The following PLAAT1 variants were observed in gnomAD, a reference collection of about 807,000 sequenced individuals.
PLAAT1 encodes phospholipase A and acyltransferase 1, also known as H-REV107 protein-related protein.
PLAAT1 carries 13 observed loss-of-function variants against 16.4 expected under a neutral mutation model. That is an observed-to-expected ratio of 0.79 (90% CI 0.52 to 1.26). The LOEUF (loss-of-function observed/expected upper bound fraction) is 1.26, where lower values mean the gene tolerates loss of function less well. Among genes scored for constraint, PLAAT1 ranks in the 50% most tolerant of loss-of-function variants. The pLI is 0.00. For missense variants in PLAAT1, 218 were observed against 207.8 expected, an observed-to-expected ratio of 1.05 and a Z score of -0.30; for synonymous variants, 73 against 78.4, an observed-to-expected ratio of 0.93 and a Z score of 0.36.
At chr3:193,279,222 C>T, downstream of PLAAT1, 1 of 609,468 alleles carries the variant, frequency 1.6e-6, no homozygotes, top group Non-Finnish European at 2.9e-6. Flanking sequence ...ATCCAGATAT[C>T]TTATTTGCCC....
upstream of PLAAT1, chr3:193,241,106 G>A (rs1715709936): frequency 7.4e-6 from 6 of 813,926 alleles, no homozygotes; most frequent in East Asian, 4.0e-5. Context: ...GGCGCGAGAA[G>A]GTGCAGTTCC....
intron 1 of PLAAT1, among the ~76,000 whole-genome samples, chr3:193,248,680 G>A (rs1309157004): frequency 1.3e-5 from 2 of 151,996 alleles, no homozygotes; most frequent in Non-Finnish European, 2.9e-5. Flanking sequence ...TTGATCACTT[G>A]TACAAACTCT....
Position 193,241,252 on chromosome 3 carries a change from C to T in PLAAT1, c.-282C>T. The T allele has an allele frequency of 8.1e-7, 1 of 1,227,022 alleles. No individual in the cohort carries two copies. Among genetic ancestry groups the T allele is most frequent in the Non-Finnish European group, 1.0e-6 (1 of 985,022 alleles). The allele number at this position is 1,227,022 out of a possible 1,614,324, so 76.0% of individuals were successfully genotyped here. ...AGCCTCGTGCCGGCTCGGCAGCGCC[C>T]GGACGCCGAGCCCAGCGCGTCGGCC... On this transcript the variant is annotated 5_prime_UTR_variant, in exon 1 of 4. Coordinates refer to ENST00000264735, the MANE Select transcript of PLAAT1 (RefSeq NM_020386.5).
At chr3:193,246,286 G>GT (rs1252557785) in intron 1 of PLAAT1, among the ~76,000 whole-genome samples, 2 of 152,012 alleles carry the variant, frequency 1.3e-5, no homozygotes, top group African/African-American at 4.8e-5. Context: ...TTTGTCAAAT[G>GT]TTTTTTCTGC....
chr3:193,274,629 A>C (rs1271471698), downstream of PLAAT1, among the ~76,000 whole-genome samples: 1 of 152,354 alleles, frequency 6.6e-6, no homozygotes, highest in East Asian at 1.9e-4. Context: ...GAAAAGATAT[A>C]TATGTAAATG....
At chr3:193,275,267 C>T, downstream of PLAAT1, 2 of 1,613,904 alleles carry the variant, frequency 1.2e-6, no homozygotes, top group Non-Finnish European at 1.7e-6. Context: ...CTCTTTTGAT[C>T]AACAGCCAGA....
At chr3:193,266,474 A>T (rs1176332187) in intron 3 of PLAAT1, among the ~76,000 whole-genome samples, 1 of 152,172 alleles carries the variant, frequency 6.6e-6, no homozygotes, top group Non-Finnish European at 1.5e-5. Flanking sequence ...TTTTTCTTCA[A>T]CAAATAGTAA....
At chr3:193,251,903 G>T (rs184147607) in intron 1 of PLAAT1, among the ~76,000 whole-genome samples, 113 of 152,188 alleles carry the variant, frequency 7.4e-4, no homozygotes, top group Non-Finnish European at 1.2e-3. Flanking sequence ...ACACCATTTT[G>T]CTGAGGTCCC....
At chr3:193,263,288 T>C in intron 3 of PLAAT1, 53 bp downstream of exon 3, 1 of 1,539,810 alleles carries the variant, frequency 6.5e-7, no homozygotes, top group Middle Eastern at 1.7e-4. Context: ...AACTATTGGC[T>C]ATGATAAGGT....
At chr3:193,247,273 C>G (rs1405904148) in intron 1 of PLAAT1, among the ~76,000 whole-genome samples, 1 of 152,140 alleles carries the variant, frequency 6.6e-6, no homozygotes, top group Non-Finnish European at 1.5e-5. Flanking sequence ...GGTGCTTACA[C>G]CAGATATTTT....
chr3:193,258,964 G>T (rs1716485634), intron 2 of PLAAT1, among the ~76,000 whole-genome samples: 1 of 152,048 alleles, frequency 6.6e-6, no homozygotes, highest in African/African-American at 2.4e-5. Context: ...GAAAACTTCA[G>T]GCCAGTATTC....
chr3:193,274,965 G>T (rs1717115821), downstream of PLAAT1: 3 of 1,538,156 alleles, frequency 2.0e-6, no homozygotes, highest in African/African-American at 1.4e-5. Flanking sequence ...TAAGGGGAGA[G>T]TATCATCACT....
chr3:193,281,277 A>G (rs368487155), downstream of PLAAT1: 77 of 880,234 alleles, frequency 8.7e-5, no homozygotes, highest in Non-Finnish European at 9.5e-5. Context: ...CTCACTAGCA[A>G]CTGGGGCTGA....
Position 193,270,616 on chromosome 3 carries a change from A to G in PLAAT1, c.418A>G (p.Ile140Val). The G allele has an allele frequency of 2.5e-6, 4 of 1,613,254 alleles. No individual in the cohort carries two copies. Among genetic ancestry groups the G allele is most frequent in the Non-Finnish European group, 3.4e-6 (4 of 1,179,458 alleles). ...EGVSEQANRAISTVEFVTAAV... is the reference protein window; with the variant it reads ...EGVSEQANRAVSTVEFVTAAV... ...TGTTTCCTTATAGGCCAACCGAGCG[A>G]TAAGTACCGTTGAGTTTGTGACAGC... Residue 140 changes from isoleucine (I) to valine (V), a missense_variant, in exon 4 of 4, where the codon ATA becomes GTA. By Grantham distance (29) the Ile-to-Val change is conservative (BLOSUM62 3). Coordinates refer to ENST00000264735, the MANE Select transcript of PLAAT1 (RefSeq NM_020386.5).
chr3:193,258,248 G>A (rs889123094), intron 2 of PLAAT1, among the ~76,000 whole-genome samples: 2 of 152,094 alleles, frequency 1.3e-5, no homozygotes, highest in Admixed American at 1.3e-4. Flanking sequence ...AAATCTTTGG[G>A]ATGCGCCTAA....
At chr3:193,269,599 A>C (rs766127601) in intron 3 of PLAAT1, among the ~76,000 whole-genome samples, 11 of 152,230 alleles carry the variant, frequency 7.2e-5, no homozygotes, top group Non-Finnish European at 1.6e-4. Context: ...GACCTGGGTT[A>C]GGCTTTCCAG....
intron 1 of PLAAT1, among the ~76,000 whole-genome samples, chr3:193,253,894 GA>G (rs1163930949): frequency 6.6e-6 from 1 of 151,736 alleles, no homozygotes; most frequent in Non-Finnish European, 1.5e-5. Flanking sequence ...TAGTGCATTT[GA>G]AAAAAAATTG....
chr3:193,257,119 G>A (rs755651390), intron 2 of PLAAT1, among the ~76,000 whole-genome samples: 1 of 152,104 alleles, frequency 6.6e-6, no homozygotes, highest in Non-Finnish European at 1.5e-5. Context: ...ACCATAAGCA[G>A]CTTTAGGTTC....
rs186147038 is a variant in PLAAT1 at position 193,263,309 on chromosome 3, C to G, written c.405+74C>G. On this transcript the variant is annotated intron_variant, in intron 3 of 3. Coordinates refer to ENST00000264735, the MANE Select transcript of PLAAT1 (RefSeq NM_020386.5). ...TGGCTATGATAAGGTTCCCAGGCCT[C>G]AAACCAAATGAAAAGAACCAGAAAA... The G allele has an allele frequency of 8.1e-5, 115 of 1,412,570 alleles. No individual in the cohort carries two copies. The East Asian group carries it at 2.2e-3, about 27-fold the overall frequency. 87.5% of individuals were successfully genotyped at this position (1,412,570 alleles called of 1,614,324 possible). A position where few individuals can be genotyped will look rare whatever the true frequency, so the allele number is the denominator to read the frequency against.
Sources: gnomAD v4.1 joint callset for allele counts (sites outside exome capture counted in the v4.1 genomes callset) on GRCh38, gnomAD v4.1.1 for gene constraint, MANE v1.5 for transcripts, NCBI Gene and HGNC (gene_info 2026-07-23, HGNC 2026-07-21) for gene names.